Variants in SNUPN observed in about 807,000 individuals in gnomAD.
SNUPN encodes the protein snurportin 1, also known as snurportin-1.
Under a neutral mutation model 39.2 loss-of-function variants are expected in SNUPN, and 31 were observed. That is an observed-to-expected ratio of 0.79 (90% confidence interval 0.59 to 1.07). The LOEUF is 1.07. Ranked by LOEUF, SNUPN falls within the 50% of genes least tolerant of loss-of-function variation. SNUPN has a pLI of 0.00. For synonymous variants in SNUPN, 132 were observed against 159.0 expected (o/e 0.83, Z 1.28); for missense variants, 382 against 434.2 (o/e 0.88, Z 1.07).
chr15:75,599,149 CAG>C (rs1330895506), intron 8 of SNUPN, among the ~76,000 whole-genome samples: 1 of 150,432 alleles, frequency 6.6e-6, no homozygotes, highest in East Asian at 1.9e-4. Flanking sequence ...AGCCTGGCGA[CAG>C]AGTGAGACTC....
In SNUPN at chr15:75,607,406, G is replaced by C. The variant is rs1183509898; in HGVS notation, c.503-93C>G. 7 of 806,760 alleles carry C rather than the reference G, an allele frequency of 8.7e-6. No individual in the cohort carries two copies. In the African/African-American group the frequency reaches 1.0e-4, roughly 12 times the overall value. The allele number at this position is 806,760 out of a possible 1,614,324, so 50.0% of individuals were successfully genotyped here. ...AGGGAGCCCCATCCCAGAGGCTTGA[G>C]TCCAACAATCCTCAGTGCTTGCAGC... On this transcript the variant is annotated intron_variant, in intron 5 of 8. Transcript: ENST00000308588.
chr15:75,600,891 C>T, intron 8 of SNUPN: 1 of 407,416 alleles, frequency 2.5e-6, no homozygotes, highest in Non-Finnish European at 4.6e-6. Flanking sequence ...GTTTCTCCAT[C>T]TGTAAGATGA....
chr15:75,624,665 GAA>G (rs575793205), intron 1 of SNUPN: 23 of 1,037,728 alleles, frequency 2.2e-5, no homozygotes, highest in South Asian at 7.6e-5. Context: ...GTCTCAAAAA[GAA>G]AAAAAAAAGA....
At chr15:75,622,537 G>A (rs1331633592) in intron 1 of SNUPN, 14 of 942,488 alleles carry the variant, frequency 1.5e-5, no homozygotes, top group African/African-American at 1.8e-5. Flanking sequence ...CTTCATTCAA[G>A]CGCCTGTGAG....
chr15:75,612,248 G>C (rs1490725858), intron 3 of SNUPN, among the ~76,000 whole-genome samples: 1 of 152,010 alleles, frequency 6.6e-6, no homozygotes, highest in Non-Finnish European at 1.5e-5. Flanking sequence ...GGCCAGGCTG[G>C]TCTCGAACTC....
At chr15:75,608,690 G>A (rs905839500) in intron 5 of SNUPN, among the ~76,000 whole-genome samples, 2 of 152,120 alleles carry the variant, frequency 1.3e-5, no homozygotes, top group African/African-American at 4.8e-5. Context: ...CTGTTGTCCC[G>A]TAATAGAAGT....
chr15:75,619,026 A>T (rs1442418334), intron 2 of SNUPN, among the ~76,000 whole-genome samples: 1 of 46,654 alleles, frequency 2.1e-5, no homozygotes, highest in African/African-American at 1.1e-4. Flanking sequence ...TTGTGTTAAA[A>T]AAAAAAAAAA....
Position 75,598,271 on chromosome 15 carries a change from G to A in SNUPN, c.*87C>T, listed in dbSNP as rs3210683. On this transcript the variant is annotated 3_prime_UTR_variant, in exon 9 of 9. Transcript: ENST00000308588. ...GTTTGGAAAGTTCACTCTAAAGAAT[G>A]AAGTCACCTGTTGTCACTGTCCTCC... is the stretch of plus-strand genomic sequence containing the variant. The A allele has an allele frequency of 0.21, 225,023 of 1,067,088 alleles. 27,708 individuals carry two copies. Among genetic ancestry groups the A allele is most frequent in the Non-Finnish European group, 0.25 (185,381 of 740,586 alleles). The allele number at this position is 1,067,088 out of a possible 1,614,324, so 66.1% of individuals were successfully genotyped here. A position where few individuals can be genotyped will look rare whatever the true frequency, so the allele number is the denominator to read the frequency against.
intron 3 of SNUPN, among the ~76,000 whole-genome samples, chr15:75,617,092 G>C (rs1207636472): frequency 6.6e-6 from 1 of 152,244 alleles, no homozygotes; most frequent in Non-Finnish European, 1.5e-5. Context: ...ACAAGGATAT[G>C]GAGTGTGTTA....
intron 3 of SNUPN, 136 bp from the exon 4 acceptor site, chr15:75,610,130 G>T: frequency 1.5e-6 from 1 of 676,842 alleles, no homozygotes; most frequent in Non-Finnish European, 2.6e-6. Context: ...GGGCACGGGG[G>T]CTCATGCTTG....
intron 1 of SNUPN, among the ~76,000 whole-genome samples, chr15:75,624,150 A>G (rs990389838): frequency 6.9e-6 from 1 of 145,090 alleles, no homozygotes; most frequent in African/African-American, 2.5e-5. Context: ...GATGGTCTCG[A>G]TCTCCTGACC....
intron 1 of SNUPN, among the ~76,000 whole-genome samples, chr15:75,623,302 G>A (rs894514822): frequency 2.9e-5 from 4 of 138,154 alleles, no homozygotes; most frequent in Admixed American, 1.4e-4. Flanking sequence ...CCGCCACCAC[G>A]CCCGGCTAAT....
At chr15:75,617,140 G>A (rs1464786429) in intron 3 of SNUPN, among the ~76,000 whole-genome samples, 1 of 152,242 alleles carries the variant, frequency 6.6e-6, no homozygotes, top group Non-Finnish European at 1.5e-5. Context: ...CAGTGGGCTG[G>A]CAGCCTTTGG....
intron 3 of SNUPN, 143 bp from the exon 4 acceptor site, chr15:75,610,137 C>T: frequency 1.5e-6 from 1 of 663,228 alleles, no homozygotes; most frequent in Non-Finnish European, 2.7e-6. Context: ...GGGGCTCATG[C>T]TTGTAATCCC....
intron 7 of SNUPN, among the ~76,000 whole-genome samples, chr15:75,601,893 T>TA (rs558166474): frequency 1.9e-3 from 292 of 152,316 alleles, no homozygotes; most frequent in Non-Finnish European, 2.1e-3. Context: ...CCCTTTTTTT[T>TA]AAGAGATGAG....
At position 75,624,505 on chromosome 15, in the gene SNUPN, AAAAAAAAATAC is replaced by A. The variant is rs1324523626; in HGVS notation, c.-6+1150_-6+1160del. Reference sequence around the variant, plus strand: ...GAAACCCCGTCTCTACTAAAAAAAAAAAAAAAAATACAAAAAAATTAGCCAGGCATGGTGAC... The same window carrying A: ...GAAACCCCGTCTCTACTAAAAAAAAAAAAAAAATTAGCCAGGCATGGTGAC... On this transcript the variant is annotated intron_variant, in intron 1 of 8. Coordinates refer to ENST00000308588, the MANE Select transcript of SNUPN (RefSeq NM_005701.4). Among the ~76,000 whole-genome samples the A allele has an allele frequency of 5.4e-5, 8 of 148,742 alleles. No individual in the cohort carries two copies. The East Asian group carries it at 1.7e-3, about 32-fold the overall frequency.
rs373490265 is a variant in SNUPN, at chr15:75,598,222, A to G, written c.*136T>C. The G allele has an allele frequency of 2.8e-4, 189 of 663,512 alleles. No homozygotes were observed. In the African/African-American group the frequency reaches 3.2e-3, roughly 11 times the overall value. The allele number at this position is 663,512 out of a possible 1,614,324, so 41.1% of individuals were successfully genotyped here. A position where few individuals can be genotyped will look rare whatever the true frequency, so the allele number is the denominator to read the frequency against. The stretch of plus-strand genomic sequence containing the variant: ...TTTGAGCCAGCATTTCAGATTATAG[A>G]TAAGCTGTTTCCAGCTGGACTGGGT... On this transcript the variant is annotated 3_prime_UTR_variant, in exon 9 of 9. Transcript: ENST00000308588.
intron 3 of SNUPN, among the ~76,000 whole-genome samples, chr15:75,611,716 G>A (rs912383436): frequency 2.6e-5 from 4 of 151,782 alleles, no homozygotes; most frequent in Non-Finnish European, 4.4e-5. Flanking sequence ...TTAGCCAGGC[G>A]TGGTGGCATG....
At chr15:75,622,990 T>C (rs936311073) in intron 1 of SNUPN, among the ~76,000 whole-genome samples, 3 of 151,988 alleles carry the variant, frequency 2.0e-5, no homozygotes, top group East Asian at 1.9e-4. Flanking sequence ...GAAAAAAAAA[T>C]TGTGGCTAAA....
Sources: gnomAD v4.1 joint callset for allele counts (sites outside exome capture counted in the v4.1 genomes callset) on GRCh38, gnomAD v4.1.1 for gene constraint, MANE v1.5 for transcripts, NCBI Gene and HGNC (gene_info 2026-07-23, HGNC 2026-07-21) for gene names.